ETV6: variants seen among roughly 807,000 people sequenced by gnomAD.
ETV6 encodes the protein transcription factor ETV6.
ETV6 carries 16 observed loss-of-function variants against 51.1 expected under a neutral mutation model. That is an observed-to-expected ratio of 0.31 (90% CI 0.21 to 0.48). ETV6 has a LOEUF of 0.48. Ranked by LOEUF, ETV6 falls within the 20% of genes least tolerant of loss-of-function variation. The pLI is 0.99. For synonymous variants in ETV6, 240 were observed against 224.1 expected (o/e 1.07, Z -0.64); for missense variants, 458 against 594.8 (o/e 0.77, Z 2.39).
chr12:11,870,509 A>T (rs965916585), intron 5 of ETV6, among the ~76,000 whole-genome samples: 6 of 152,168 alleles, frequency 3.9e-5, no homozygotes, highest in Admixed American at 2.0e-4. Flanking sequence ...TTCATTTATT[A>T]TAAGAAGCCC....
At chr12:11,882,579 G>A (rs181648679) in intron 5 of ETV6, among the ~76,000 whole-genome samples, 1 of 152,318 alleles carries the variant, frequency 6.6e-6, no homozygotes, top group East Asian at 1.9e-4. Flanking sequence ...GCTTGTCGAA[G>A]CCACAGCACA....
At chr12:11,665,583 T>C (rs958456474) in intron 1 of ETV6, among the ~76,000 whole-genome samples, 1 of 152,244 alleles carries the variant, frequency 6.6e-6, no homozygotes, top group Non-Finnish European at 1.5e-5. Flanking sequence ...TGGCTATTAA[T>C]TGAATAGAAT....
At chr12:11,764,872 A>G (rs2136343374) in intron 2 of ETV6, among the ~76,000 whole-genome samples, 1 of 152,292 alleles carries the variant, frequency 6.6e-6, no homozygotes, top group East Asian at 1.9e-4. Flanking sequence ...ACTGGGTTTT[A>G]TTATCCTCAT....
At position 11,891,495 on chromosome 12, in the gene ETV6, G is replaced by A. The variant is rs906606057; in HGVS notation, c.*449G>A. 4.2e-5 allele frequency: 21 copies of A among 497,008 alleles called. No homozygotes were observed. The highest frequency in any genetic ancestry group is 3.7e-4 in the African/African-American group (19 of 51,410). 30.8% of individuals were successfully genotyped at this position (497,008 alleles called of 1,614,324 possible). A position where few individuals can be genotyped will look rare whatever the true frequency, so the allele number is the denominator to read the frequency against. The stretch of plus-strand genomic sequence containing the variant: ...TTTTTTGCAAATCTCACAAAGTGCG[G>A]CAAGCCCAGCTGGTCAGGAAAGAGA... On this transcript the variant is annotated 3_prime_UTR_variant, in exon 8 of 8. Coordinates refer to ENST00000396373, the MANE Select transcript of ETV6 (RefSeq NM_001987.5).
In ETV6 at chr12:11,782,042, C is replaced by T. The variant is rs148798824; in HGVS notation, c.163+29463C>T. Among the ~76,000 whole-genome samples the T allele has an allele frequency of 5.4e-4, 82 of 152,286 alleles. 2 individuals are homozygous for T. The East Asian group carries it at 0.014, about 27-fold the overall frequency. On this transcript the variant is annotated intron_variant, in intron 2 of 7. Coordinates refer to ENST00000396373, the MANE Select transcript of ETV6 (RefSeq NM_001987.5). ...CTTTGCTGCCATATGCCATAAATGA[C>T]ACATTATCATTTTTGCAAATATGCA...
intron 3 of ETV6, among the ~76,000 whole-genome samples, chr12:11,847,026 G>A (rs536306503): frequency 2.6e-5 from 4 of 152,190 alleles, no homozygotes; most frequent in Admixed American, 6.5e-5. Context: ...GCAGAGGATC[G>A]GCATGGCAAG....
rs1565472118 is a variant in ETV6 at position 11,649,793 on chromosome 12, A to G, written c.-335A>G. Reference sequence around the variant, plus strand: ...CGAGAGAGCGAGGGAGAGCCGCGGGAGGGCGGGGGGCGGGGGCGCCGGCTG... The same window carrying G: ...CGAGAGAGCGAGGGAGAGCCGCGGGGGGGCGGGGGGCGGGGGCGCCGGCTG... On this transcript the variant is annotated 5_prime_UTR_variant, in exon 1 of 8. Transcript: ENST00000396373. 1 of 137,436 alleles carries G rather than the reference A, an allele frequency of 7.3e-6. No homozygotes were observed. The highest frequency in any genetic ancestry group is 1.6e-5 in the Non-Finnish European group (1 of 63,262). 8.5% of individuals were successfully genotyped at this position (137,436 alleles called of 1,614,324 possible). A position where few individuals can be genotyped will look rare whatever the true frequency, so the allele number is the denominator to read the frequency against.
chr12:11,703,803 T>C (rs1443542896), intron 1 of ETV6, among the ~76,000 whole-genome samples: 1 of 152,176 alleles, frequency 6.6e-6, no homozygotes, highest in Admixed American at 6.5e-5. Flanking sequence ...ATAATCTTAA[T>C]TATGTAATTC....
At chr12:11,769,660 C>T (rs560127770) in intron 2 of ETV6, among the ~76,000 whole-genome samples, 361 of 152,326 alleles carry the variant, frequency 2.4e-3, no homozygotes, top group Admixed American at 4.6e-3. Flanking sequence ...TCTTTTCCTT[C>T]ATATTCCCCG....
chr12:11,838,184 A>G (rs1307175788), intron 2 of ETV6, among the ~76,000 whole-genome samples: 2 of 152,164 alleles, frequency 1.3e-5, no homozygotes, highest in African/African-American at 4.8e-5. Context: ...CATTCCACCT[A>G]AGAAAGAATG....
intron 2 of ETV6, among the ~76,000 whole-genome samples, chr12:11,778,413 C>T (rs1231935548): frequency 6.6e-6 from 1 of 152,206 alleles, no homozygotes; most frequent in African/African-American, 2.4e-5. Flanking sequence ...AAAATGAGGC[C>T]TGGCTGGTGC....
intron 2 of ETV6, chr12:11,826,547 G>C (rs1283166234): frequency 6.6e-6 from 1 of 152,214 alleles, no homozygotes; most frequent in African/African-American, 2.4e-5. Context: ...TAAAACTCAA[G>C]GGTCACCTGA....
intron 1 of ETV6, among the ~76,000 whole-genome samples, chr12:11,689,206 C>T (rs1364007292): frequency 6.6e-6 from 1 of 152,056 alleles, no homozygotes; most frequent in Admixed American, 6.5e-5. Context: ...GATTGAACCC[C>T]TGTGCTGGGG....
At chr12:11,658,982 C>T (rs117907641) in intron 1 of ETV6, among the ~76,000 whole-genome samples, 4,018 of 152,262 alleles carry the variant, frequency 0.026, 60 homozygotes, top group Non-Finnish European at 0.042. Flanking sequence ...TTATTTGTGA[C>T]TGGGGTGAGA....
chr12:11,877,901 C>G, intron 5 of ETV6, among the ~76,000 whole-genome samples: 1 of 152,104 alleles, frequency 6.6e-6, no homozygotes, highest in East Asian at 1.9e-4. Context: ...GTGTCACTGT[C>G]CCCCCCTGCC....
intron 2 of ETV6, among the ~76,000 whole-genome samples, chr12:11,762,146 A>C (rs911574378): frequency 2.0e-5 from 3 of 152,156 alleles, no homozygotes; most frequent in Admixed American, 6.5e-5. Context: ...GCCAGCTCCT[A>C]GGCCTTGCAG....
At chr12:11,815,912 T>C (rs1945986459) in intron 2 of ETV6, among the ~76,000 whole-genome samples, 1 of 152,222 alleles carries the variant, frequency 6.6e-6, no homozygotes, top group Admixed American at 6.5e-5. Context: ...TTCTGCTTTT[T>C]TGCTGTTCAA....
intron 2 of ETV6, among the ~76,000 whole-genome samples, chr12:11,767,557 T>TC (rs1281715500): frequency 5.3e-5 from 8 of 152,344 alleles, no homozygotes; most frequent in South Asian, 4.2e-4. Context: ...AGGCCAGGGT[T>TC]CAATCCTGGC....
chr12:11,838,247 T>C (rs992822324), intron 2 of ETV6, among the ~76,000 whole-genome samples: 1 of 152,232 alleles, frequency 6.6e-6, no homozygotes, highest in Non-Finnish European at 1.5e-5. Context: ...TTTTACTTCA[T>C]AGGCACCCTA....
Sources: allele counts gnomAD v4.1 joint callset (sites outside exome capture counted in the v4.1 genomes callset), GRCh38; gene constraint gnomAD v4.1.1; transcripts MANE v1.5; gene names NCBI Gene and HGNC (gene_info 2026-07-23, HGNC 2026-07-21).